Variants in SLC36A1 observed in about 807,000 individuals in gnomAD.
The protein encoded by SLC36A1 is proton-coupled amino acid transporter 1.
In SLC36A1, 30 loss-of-function variants were observed where a neutral mutation model predicts 47.5. The ratio of observed to expected loss-of-function variants is 0.63; its 90% CI spans 0.47 to 0.86. The LOEUF is 0.86. Ranked by LOEUF, SLC36A1 falls within the 40% of genes least tolerant of loss-of-function variation. SLC36A1 has a pLI of 0.00. For synonymous variants in SLC36A1, 255 were observed against 249.7 expected, an observed-to-expected ratio of 1.02 and a Z score of -0.20; for missense variants, 517 against 606.0, an observed-to-expected ratio of 0.85 and a Z score of 1.54.
the SLC36A1 span, chr5:151,554,597 T>A: frequency 6.2e-7 from 1 of 1,614,138 alleles, no homozygotes; most frequent in Non-Finnish European, 8.5e-7. Context: ...AGGTGGATTG[T>A]CATTGACGTC....
At chr5:151,519,070 G>A in the SLC36A1 span, among the ~76,000 whole-genome samples, 2 of 152,214 alleles carry the variant, frequency 1.3e-5, no homozygotes, top group Non-Finnish European at 2.9e-5. Context: ...CCAGCTGGAC[G>A]CAGTGGCTCA....
the SLC36A1 span, among the ~76,000 whole-genome samples, chr5:151,502,933 A>T: frequency 3.4e-5 from 5 of 148,298 alleles, no homozygotes; most frequent in Non-Finnish European, 1.5e-5. Flanking sequence ...CAAGCCCTGA[A>T]AAGATATGGA....
At chr5:151,538,833 C>T in the SLC36A1 span, among the ~76,000 whole-genome samples, 2 of 150,876 alleles carry the variant, frequency 1.3e-5, no homozygotes, top group African/African-American at 4.9e-5. Flanking sequence ...CGTGCCACCA[C>T]ACCTGGCTAA....
At chr5:151,531,826 T>C in the SLC36A1 span, 5 of 1,612,758 alleles carry the variant, frequency 3.1e-6, no homozygotes, top group Admixed American at 5.0e-5. This position sits in a 1 kb window ranked among gnomAD's most constrained non-coding sequence, Gnocchi z 5.7. Flanking sequence ...GGTGCCCAGG[T>C]CAGAGGCACG....
chr5:151,347,117 G>A, the SLC36A1 span, among the ~76,000 whole-genome samples: 1 of 152,260 alleles, frequency 6.6e-6, no homozygotes, highest in South Asian at 2.1e-4. Flanking sequence ...GTCCCTAAGG[G>A]CTTTTCTGAC....
At chr5:151,443,327 T>G (rs1447179679), upstream of SLC36A1, among the ~76,000 whole-genome samples, 1 of 152,162 alleles carries the variant, frequency 6.6e-6, no homozygotes, top group African/African-American at 2.4e-5. Flanking sequence ...CTCACCAATA[T>G]TTGTTGTCTT....
chr5:151,421,990 A>G, the SLC36A1 span: 1 of 152,278 alleles, frequency 6.6e-6, no homozygotes, highest in Non-Finnish European at 1.5e-5. Flanking sequence ...GCAGGAAAAA[A>G]ACAGAGCCAG....
the SLC36A1 span, among the ~76,000 whole-genome samples, chr5:151,401,940 G>GA: frequency 6.6e-6 from 1 of 152,246 alleles, no homozygotes; most frequent in African/African-American, 2.4e-5. Flanking sequence ...TTGGCAAAGA[G>GA]AGATAATTTG....
chr5:151,386,154 A>G, the SLC36A1 span, among the ~76,000 whole-genome samples: 4 of 152,030 alleles, frequency 2.6e-5, no homozygotes, highest in Non-Finnish European at 5.9e-5. Context: ...CTGAGATTAC[A>G]GGCATGAGCC....
chr5:151,428,498 A>G, the SLC36A1 span, among the ~76,000 whole-genome samples: 1 of 134,014 alleles, frequency 7.5e-6, no homozygotes, highest in African/African-American at 3.4e-5. Context: ...GCTCTCTCAG[A>G]TGCATTGTTC....
chr5:151,433,247 T>TATATATA (rs1554105171), upstream of SLC36A1, among the ~76,000 whole-genome samples: 1 of 14,438 alleles, frequency 6.9e-5, no homozygotes, highest in Admixed American at 6.5e-4. Flanking sequence ...TATATATATA[T>TATATATA]ATATATATAT....
upstream of SLC36A1, among the ~76,000 whole-genome samples, chr5:151,447,337 G>A (rs114040695): frequency 5.8e-3 from 886 of 152,334 alleles, 11 homozygotes; most frequent in African/African-American, 0.02. Flanking sequence ...TACAGCCAGT[G>A]TAAAAATTAG....
the SLC36A1 span, chr5:151,542,776 T>A: frequency 6.2e-7 from 1 of 1,614,222 alleles, no homozygotes; most frequent in Non-Finnish European, 8.5e-7. Context: ...CACTTGGATG[T>A]TGACAGAGAC....
upstream of SLC36A1, among the ~76,000 whole-genome samples, chr5:151,434,015 G>T (rs935298844): frequency 6.6e-6 from 1 of 152,214 alleles, no homozygotes; most frequent in African/African-American, 2.4e-5. Flanking sequence ...CATCTACCAT[G>T]GTGGTCCAGA....
Position 151,455,887 on chromosome 5 carries a change from G to A in SLC36A1, c.-5-2901G>A, listed in dbSNP as rs138713727. Among the ~76,000 whole-genome samples the A allele has an allele frequency of 3.4e-3, 512 of 152,306 alleles. 5 individuals are homozygous for A. Among genetic ancestry groups the A allele is most frequent in the African/African-American group, 0.011 (467 of 41,560 alleles). On this transcript the variant is annotated intron_variant, in intron 1 of 10. Coordinates refer to ENST00000243389, the MANE Select transcript of SLC36A1 (RefSeq NM_078483.4). The stretch of plus-strand genomic sequence containing the variant: ...AAATAGCATGGATTATTGATGGGCT[G>A]TACATTGTTGGACTATAGGGTATGA...
the SLC36A1 span, among the ~76,000 whole-genome samples, chr5:151,345,303 G>A: frequency 6.6e-6 from 1 of 152,156 alleles, no homozygotes; most frequent in Admixed American, 6.5e-5. Context: ...AAAGGAGCCC[G>A]GTCTCTGGGA....
At chr5:151,400,469 T>C in the SLC36A1 span, among the ~76,000 whole-genome samples, 2 of 152,216 alleles carry the variant, frequency 1.3e-5, no homozygotes, top group Admixed American at 6.5e-5. Context: ...GTTGAACATA[T>C]GCATGCATGT....
chr5:151,378,211 C>T, the SLC36A1 span: 2 of 239,832 alleles, frequency 8.3e-6, no homozygotes, highest in African/African-American at 4.6e-5. Context: ...TGAGACTGTA[C>T]AAACCACTTG....
the SLC36A1 span, chr5:151,538,046 A>AG: frequency 1.0e-6 from 1 of 990,002 alleles, no homozygotes; most frequent in South Asian, 1.8e-5. Context: ...GCAGAAAGAG[A>AG]GACACTAAGA....
Sources: allele counts gnomAD v4.1 joint callset (sites outside exome capture counted in the v4.1 genomes callset), GRCh38; gene constraint gnomAD v4.1.1; non-coding constraint Gnocchi (gnomAD v3.1); transcripts MANE v1.5; gene names NCBI Gene and HGNC (gene_info 2026-07-23, HGNC 2026-07-21).